The following SOX5 variants were observed in gnomAD, a reference collection of about 807,000 sequenced individuals.
SOX5 encodes SRY-box transcription factor 5.
In SOX5, 9 loss-of-function variants were observed where a neutral mutation model predicts 92.0. The ratio of observed to expected loss-of-function variants is 0.10; its 90% CI spans 0.06 to 0.17. SOX5 has a LOEUF of 0.17. Ranked by LOEUF, SOX5 falls within the 10% of genes least tolerant of loss-of-function variation. The probability of loss-of-function intolerance (pLI) is 1.00; values close to 1 mark genes in which losing one functional copy is unlikely to be tolerated. For missense variants in SOX5, 642 were observed against 944.5 expected (o/e 0.68, Z 4.20); for synonymous variants, 344 against 336.3 (o/e 1.02, Z -0.25).
At chr12:23,865,111 T>C (rs1426921841) in intron 2 of SOX5, among the ~76,000 whole-genome samples, 1 of 152,234 alleles carries the variant, frequency 6.6e-6, no homozygotes, top group Non-Finnish European at 1.5e-5. Context: ...GGCTCTGTCT[T>C]TGTCTATAAA....
intron 2 of SOX5, among the ~76,000 whole-genome samples, chr12:24,285,855 A>G (rs960990563): frequency 1.4e-4 from 21 of 152,360 alleles, no homozygotes; most frequent in African/African-American, 4.8e-4. Flanking sequence ...TGAAACAGAC[A>G]TGTGCTTAAT....
chr12:23,685,637 C>A (rs187115773), intron 6 of SOX5, among the ~76,000 whole-genome samples: 50 of 149,362 alleles, frequency 3.3e-4, no homozygotes, highest in Admixed American at 1.3e-3. Context: ...GTCCCCCCCC[C>A]CAAAAATCTA....
intron 1 of SOX5, among the ~76,000 whole-genome samples, chr12:24,431,144 A>G (rs907305056): frequency 6.6e-6 from 1 of 152,156 alleles, no homozygotes; most frequent in African/African-American, 2.4e-5. Context: ...CTATATGTCT[A>G]TACTGCAAAT....
Position 24,393,266 on chromosome 12 carries a change from C to G in SOX5, c.-250-24627G>C, listed in dbSNP as rs559233889. Among the ~76,000 whole-genome samples, 1 of 152,286 alleles carries G rather than the reference C, an allele frequency of 6.6e-6. No homozygotes were observed. The highest frequency in any genetic ancestry group is 1.9e-4 in the East Asian group (1 of 5,184). On this transcript the variant is annotated intron_variant, in intron 1 of 4. Transcript: ENST00000446891. The surrounding 1 kb of genome is among the most constrained non-coding windows in gnomAD (Gnocchi z 5.0). Reference sequence around the variant, plus strand: ...CCCATTCTAAATTCTGTCTACTAAACAAATTAGCAAGCTCATCAATAACTG... The same window carrying G: ...CCCATTCTAAATTCTGTCTACTAAAGAAATTAGCAAGCTCATCAATAACTG...
intron 4 of SOX5, among the ~76,000 whole-genome samples, chr12:23,747,054 T>C (rs2094008988): frequency 6.6e-6 from 1 of 152,064 alleles, no homozygotes. Context: ...ATCTCTTTCT[T>C]TTGTAAATTG....
chr12:23,809,674 T>C (rs890013735), intron 3 of SOX5, among the ~76,000 whole-genome samples: 4 of 151,382 alleles, frequency 2.6e-5, no homozygotes, highest in Non-Finnish European at 5.9e-5. Context: ...AGAAAATCTA[T>C]AGTTTTTCCC....
intron 2 of SOX5, among the ~76,000 whole-genome samples, chr12:24,302,422 C>T (rs1415878543): frequency 1.3e-5 from 2 of 152,114 alleles, no homozygotes; most frequent in Admixed American, 6.5e-5. Flanking sequence ...CACTATAATT[C>T]GTTCTAGGGA....
At chr12:23,904,454 T>C (rs2097269847) in intron 1 of SOX5, among the ~76,000 whole-genome samples, 2 of 152,096 alleles carry the variant, frequency 1.3e-5, no homozygotes, top group Non-Finnish European at 2.9e-5. Flanking sequence ...CAACATAGAA[T>C]AATAAAAAAG....
chr12:23,612,677 A>T (rs551320683), intron 8 of SOX5, among the ~76,000 whole-genome samples: 27 of 152,296 alleles, frequency 1.8e-4, no homozygotes, highest in Non-Finnish European at 3.4e-4. Flanking sequence ...ATTATGATTT[A>T]AAAAAATTGT....
intron 4 of SOX5, among the ~76,000 whole-genome samples, chr12:24,026,297 T>A (rs1428230305): frequency 6.6e-6 from 1 of 152,012 alleles, no homozygotes; most frequent in Non-Finnish European, 1.5e-5. Context: ...CATTAGATAT[T>A]CCGAGTATAA....
At chr12:23,992,677 T>G (rs1950674189) in intron 4 of SOX5, among the ~76,000 whole-genome samples, 1 of 152,180 alleles carries the variant, frequency 6.6e-6, no homozygotes, top group Non-Finnish European at 1.5e-5. Flanking sequence ...TCAAATATAT[T>G]TATTTTCTTC....
In SOX5 at chr12:24,456,296, A is replaced by T. The variant is rs1943013878; in HGVS notation, c.-250-87657T>A. On this transcript the variant is annotated intron_variant, in intron 1 of 4. Coordinates refer to the SOX5 transcript ENST00000446891. ...ACTTACAGGTGGGTGTTCCTTTATT[A>T]GAAATGGTTTTCTTCAAGGAACTTT... 2.0e-5 allele frequency among the ~76,000 whole-genome samples: 3 copies of T among 152,202 alleles called. No individual in the cohort carries two copies. In the South Asian group the frequency reaches 6.2e-4, roughly 31 times the overall value.
At chr12:24,120,908 A>T (rs1474071661) in intron 4 of SOX5, among the ~76,000 whole-genome samples, 2 of 152,216 alleles carry the variant, frequency 1.3e-5, no homozygotes, top group African/African-American at 4.8e-5. Flanking sequence ...GAGTAACAAT[A>T]AACTCAATAA....
At chr12:23,839,304 T>C (rs985113649) in intron 3 of SOX5, among the ~76,000 whole-genome samples, 2 of 152,094 alleles carry the variant, frequency 1.3e-5, no homozygotes, top group Non-Finnish European at 2.9e-5. Context: ...ATATGATACA[T>C]TGGGGAATAC....
At chr12:24,288,873 T>A (rs908404707) in intron 2 of SOX5, among the ~76,000 whole-genome samples, 6 of 152,198 alleles carry the variant, frequency 3.9e-5, no homozygotes, top group African/African-American at 1.4e-4. Context: ...GACATTATAA[T>A]AATTAATAAT....
intron 4 of SOX5, among the ~76,000 whole-genome samples, chr12:24,200,179 A>G (rs1957380255): frequency 6.6e-6 from 1 of 152,176 alleles, no homozygotes. Context: ...CTGGGCTAGG[A>G]ATCAGGAAAT....
chr12:24,069,953 G>A lies in SOX5; in HGVS notation c.-2+143390C>T, dbSNP rs544103509. 3.3e-5 allele frequency among the ~76,000 whole-genome samples: 5 copies of A among 152,182 alleles called. No homozygotes were observed. The East Asian group carries it at 9.7e-4, about 29-fold the overall frequency. On this transcript the variant is annotated intron_variant, in intron 4 of 4. Transcript: ENST00000446891. ...ATAGCCATTTACTACTGCACCTATT[G>A]CTTCTTGACAATCATGGGGAGGAGC... is the stretch of plus-strand genomic sequence containing the variant.
intron 1 of SOX5, among the ~76,000 whole-genome samples, chr12:23,899,991 T>C (rs1568781713): frequency 6.6e-6 from 1 of 152,158 alleles, no homozygotes; most frequent in East Asian, 1.9e-4. Flanking sequence ...ACAGAATTGT[T>C]GAACCAGTTG....
In SOX5 at chr12:24,137,262, G is replaced by C. The variant is rs529953382; in HGVS notation, c.-2+76081C>G. Among the ~76,000 whole-genome samples, 16 of 152,286 alleles carry C rather than the reference G, an allele frequency of 1.1e-4. No individual in the cohort carries two copies. The South Asian group carries it at 3.3e-3, about 32-fold the overall frequency. On this transcript the variant is annotated intron_variant, in intron 4 of 4. Transcript: ENST00000446891. The stretch of plus-strand genomic sequence containing the variant: ...ATCTACACTGGGCAAGTTCTCTCCT[G>C]AGATTCTGGTGTGCCTTGTACTGAG...
Sources: gnomAD v4.1 joint callset for allele counts (sites outside exome capture counted in the v4.1 genomes callset) on GRCh38, gnomAD v4.1.1 for gene constraint, Gnocchi (gnomAD v3.1) non-coding constraint, MANE v1.5 for transcripts, NCBI Gene and HGNC (gene_info 2026-07-23, HGNC 2026-07-21) for gene names.